The following KIF6 variants were observed in gnomAD, a reference collection of about 807,000 sequenced individuals.
KIF6 encodes the protein kinesin family member 6.
A neutral mutation model predicts 112.7 loss-of-function variants in KIF6; 106 were observed. The ratio of observed to expected loss-of-function variants is 0.94; its 90% CI spans 0.80 to 1.11. The LOEUF is 1.11. Ranked by LOEUF, KIF6 falls within the 50% of genes least tolerant of loss-of-function variation. The probability of loss-of-function intolerance (pLI) is 0.00; values close to 1 mark genes in which losing one functional copy is unlikely to be tolerated. For synonymous variants in KIF6, 339 were observed against 339.9 expected (o/e 1.00, Z 0.03); for missense variants, 929 against 964.0 (o/e 0.96, Z 0.48).
chr6:39,710,800 C>G (rs1328364678), intron 3 of KIF6, among the ~76,000 whole-genome samples: 2 of 151,960 alleles, frequency 1.3e-5, no homozygotes, highest in Non-Finnish European at 2.9e-5. Context: ...ATTTAGGAGG[C>G]CGAGGTGGGA....
At chr6:39,530,448 C>A (rs1445547386) in intron 13 of KIF6, among the ~76,000 whole-genome samples, 3 of 152,130 alleles carry the variant, frequency 2.0e-5, no homozygotes, top group Admixed American at 1.3e-4. Context: ...TTAAAGTGAA[C>A]AATACAACTC....
At chr6:39,370,486 G>A (rs1453732094) in intron 16 of KIF6, among the ~76,000 whole-genome samples, 1 of 152,138 alleles carries the variant, frequency 6.6e-6, no homozygotes, top group Non-Finnish European at 1.5e-5. Context: ...TAGCCAATTT[G>A]TAAATTAATC....
chr6:39,516,463 T>C (rs1269914995), intron 13 of KIF6, among the ~76,000 whole-genome samples: 1 of 148,038 alleles, frequency 6.8e-6, no homozygotes, highest in Non-Finnish European at 1.5e-5. Context: ...TTATATTATA[T>C]AAATACAAAT....
At chr6:39,441,840 G>A (rs903604163) in intron 13 of KIF6, among the ~76,000 whole-genome samples, 3 of 152,208 alleles carry the variant, frequency 2.0e-5, no homozygotes, top group Admixed American at 6.5e-5. Flanking sequence ...CCTCAGATTA[G>A]GACTTGCCTT....
chr6:39,378,673 C>T lies in KIF6; in HGVS notation c.1861+6949G>A, dbSNP rs1403958177. 6.6e-6 allele frequency among the ~76,000 whole-genome samples: 1 copy of T among 152,228 alleles called. No individual in the cohort carries two copies. The highest frequency in any genetic ancestry group is 2.4e-5 in the African/African-American group (1 of 41,444). On this transcript the variant is annotated intron_variant, in intron 16 of 22. Coordinates refer to ENST00000287152, the MANE Select transcript of KIF6 (RefSeq NM_145027.6). This position sits in a 1 kb window ranked among gnomAD's most constrained non-coding sequence, Gnocchi z 5.0. ...AGTTCTCATGGCCTGTCCCTCTCAC[C>T]TGACACATTTCACATGCTGCTTGGT... is the stretch of plus-strand genomic sequence containing the variant.
chr6:39,610,318 T>C (rs1482498930), intron 6 of KIF6, among the ~76,000 whole-genome samples: 1 of 152,196 alleles, frequency 6.6e-6, no homozygotes, highest in Admixed American at 6.5e-5. Context: ...TCTGAATAAA[T>C]AAGAAGAGGC....
intron 6 of KIF6, among the ~76,000 whole-genome samples, chr6:39,603,464 C>A (rs773717766): frequency 2.6e-5 from 4 of 151,918 alleles, no homozygotes; most frequent in African/African-American, 7.3e-5. Context: ...GAATAATAAT[C>A]CTTTTCTATA....
chr6:39,495,143 C>T (rs1455467338), intron 13 of KIF6, among the ~76,000 whole-genome samples: 1 of 152,160 alleles, frequency 6.6e-6, no homozygotes, highest in Admixed American at 6.5e-5. Flanking sequence ...GGACAAATTA[C>T]TGTAATTAAA....
chr6:39,688,818 CT>C (rs1477654567), intron 3 of KIF6, among the ~76,000 whole-genome samples: 1 of 152,240 alleles, frequency 6.6e-6, no homozygotes, highest in African/African-American at 2.4e-5. Context: ...TGATCTAAGT[CT>C]GAAGGATATT....
chr6:39,586,521 G>T, intron 7 of KIF6, 117 bp from the exon 8 acceptor site: 1 of 765,654 alleles, frequency 1.3e-6, no homozygotes, highest in Non-Finnish European at 2.2e-6. Flanking sequence ...AATGCACGGT[G>T]AAGCCCAAAA....
chr6:39,421,482 G>A lies in KIF6; in HGVS notation c.1755-1479C>T, dbSNP rs371651841. On this transcript the variant is annotated intron_variant, in intron 14 of 22. Transcript: ENST00000287152. Reference sequence around the variant, plus strand: ...TGTTTCATCCTTGAACACTTTAGTTGACTGGGATTGTGTTGGAGGAAGTGA... The same window carrying A: ...TGTTTCATCCTTGAACACTTTAGTTAACTGGGATTGTGTTGGAGGAAGTGA... Among the ~76,000 whole-genome samples, 6 of 152,260 alleles carry A rather than the reference G, an allele frequency of 3.9e-5. No homozygotes were observed. The East Asian group carries it at 7.7e-4, about 20-fold the overall frequency.
intron 13 of KIF6, among the ~76,000 whole-genome samples, chr6:39,457,044 C>G (rs1447279090): frequency 2.1e-4 from 29 of 139,120 alleles, no homozygotes; most frequent in African/African-American, 8.1e-4. Context: ...CAGAACTCTC[C>G]ACCCCAAATC....
chr6:39,682,983 G>A (rs1041416767), intron 3 of KIF6, among the ~76,000 whole-genome samples: 25 of 152,236 alleles, frequency 1.6e-4, no homozygotes, highest in African/African-American at 6.0e-4. Context: ...TAGAGATAAG[G>A]TAACAGGCCA....
intron 13 of KIF6, among the ~76,000 whole-genome samples, chr6:39,470,112 A>G (rs1774027119): frequency 6.6e-6 from 1 of 152,194 alleles, no homozygotes; most frequent in Non-Finnish European, 1.5e-5. Flanking sequence ...ATGTTCTTCC[A>G]TCACAGAATG....
At chr6:39,679,852 C>T (rs563917509) in intron 3 of KIF6, among the ~76,000 whole-genome samples, 4 of 151,598 alleles carry the variant, frequency 2.6e-5, no homozygotes, top group East Asian at 3.9e-4. Flanking sequence ...CTCCTGACCT[C>T]GTGATCCGCC....
At chr6:39,386,083 G>A (rs1355870339) in intron 15 of KIF6, among the ~76,000 whole-genome samples, 1 of 152,150 alleles carries the variant, frequency 6.6e-6, no homozygotes. Context: ...ATGAAACTGT[G>A]TCAAATAAAA....
intron 13 of KIF6, among the ~76,000 whole-genome samples, chr6:39,441,138 T>C (rs1236110921): frequency 1.3e-5 from 2 of 152,160 alleles, no homozygotes; most frequent in Non-Finnish European, 2.9e-5. Flanking sequence ...ATGCAGACCC[T>C]ATGTTACCGC....
intron 10 of KIF6, chr6:39,553,942 C>G (rs1779540946): frequency 6.5e-6 from 1 of 154,854 alleles, no homozygotes; most frequent in African/African-American, 2.4e-5. Context: ...TGCTTGACCT[C>G]AAGCTGGCAG....
At chr6:39,428,518 C>T (rs1053055087) in intron 14 of KIF6, among the ~76,000 whole-genome samples, 1 of 152,198 alleles carries the variant, frequency 6.6e-6, no homozygotes, top group Non-Finnish European at 1.5e-5. Flanking sequence ...AGAGAGTATT[C>T]AGCTTCACTG....
Sources: gnomAD v4.1 joint callset for allele counts (sites outside exome capture counted in the v4.1 genomes callset) on GRCh38, gnomAD v4.1.1 for gene constraint, Gnocchi (gnomAD v3.1) non-coding constraint, MANE v1.5 for transcripts, NCBI Gene and HGNC (gene_info 2026-07-23, HGNC 2026-07-21) for gene names.